Variants in CPNE8 observed in about 807,000 individuals in gnomAD.
CPNE8 encodes the protein copine-8.
In CPNE8, 45 loss-of-function variants were observed where a neutral mutation model predicts 81.5. That is an observed-to-expected ratio of 0.55 (90% CI 0.44 to 0.71). The LOEUF (loss-of-function observed/expected upper bound fraction) is 0.71. CPNE8 is among the 30% of genes least tolerant of loss of function. CPNE8 has a pLI of 0.00. For missense variants in CPNE8, 594 were observed against 672.1 expected (o/e 0.88, Z 1.28); for synonymous variants, 252 against 226.3 (o/e 1.11, Z -1.02).
chr12:38,861,789 C>T (rs1592142692), intron 3 of CPNE8, among the ~76,000 whole-genome samples: 1 of 152,038 alleles, frequency 6.6e-6, no homozygotes, highest in South Asian at 2.1e-4. Flanking sequence ...TTCCTATGAA[C>T]TTTTCTAAGG....
At chr12:38,807,812 G>A (rs912855687) in intron 6 of CPNE8, among the ~76,000 whole-genome samples, 16 of 151,952 alleles carry the variant, frequency 1.1e-4, no homozygotes, top group Admixed American at 9.8e-4. Flanking sequence ...AGAGTGAACA[G>A]GCAACCTACA....
chr12:38,715,803 C>G (rs1940372567), intron 13 of CPNE8, among the ~76,000 whole-genome samples: 1 of 151,982 alleles, frequency 6.6e-6, no homozygotes, highest in Non-Finnish European at 1.5e-5. Context: ...CGCAATCAGA[C>G]AAGAGAAAGA....
intron 3 of CPNE8, among the ~76,000 whole-genome samples, chr12:38,866,059 T>G (rs1592144926): frequency 6.6e-6 from 1 of 152,240 alleles, no homozygotes; most frequent in East Asian, 1.9e-4. Context: ...TTGCTGACAT[T>G]GGAAATCCAA....
At chr12:38,899,440 C>T (rs1321865123) in intron 1 of CPNE8, among the ~76,000 whole-genome samples, 2 of 152,154 alleles carry the variant, frequency 1.3e-5, no homozygotes, top group African/African-American at 4.8e-5. Context: ...AGACATCCAT[C>T]CTCTACAACT....
intron 10 of CPNE8, among the ~76,000 whole-genome samples, chr12:38,743,200 T>C (rs1036110683): frequency 6.6e-6 from 1 of 151,880 alleles, no homozygotes; most frequent in Non-Finnish European, 1.5e-5. Context: ...AAGCATTTAC[T>C]GAGTATTTCC....
chr12:38,795,371 A>G (rs1023672289), intron 6 of CPNE8, among the ~76,000 whole-genome samples: 1 of 152,212 alleles, frequency 6.6e-6, no homozygotes, highest in African/African-American at 2.4e-5. Flanking sequence ...TCCCACTTCC[A>G]TGTGTATATT....
chr12:38,670,041 G>C (rs370101661), intron 19 of CPNE8, among the ~76,000 whole-genome samples: 6 of 152,260 alleles, frequency 3.9e-5, no homozygotes, highest in African/African-American at 1.4e-4. Flanking sequence ...TCCCAGGTTT[G>C]AAAACCTGTT....
rs1213041864 is a variant in CPNE8, at chr12:38,902,380, GAAAA to G, written c.98+3053_98+3056del. On this transcript the variant is annotated intron_variant, in intron 1 of 19. Transcript: ENST00000331366. Reference sequence around the variant, plus strand: ...AGAAAGAAAGAAAGAAAGAAAGAAAGAAAAGAAAGAAAGAGAAAGAAAGAAAGAA... The same window carrying G: ...AGAAAGAAAGAAAGAAAGAAAGAAAGGAAAGAAAGAGAAAGAAAGAAAGAA... Among the ~76,000 whole-genome samples, 13 of 57,460 alleles carry G rather than the reference GAAAA, an allele frequency of 2.3e-4. No individual in the cohort carries two copies. In the Admixed American group the frequency reaches 2.3e-3, roughly 10 times the overall value. 37.7% of individuals were successfully genotyped at this position (57,460 alleles called of 152,430 possible). A position where few individuals can be genotyped will look rare whatever the true frequency, so the allele number is the denominator to read the frequency against.
chr12:38,877,769 C>T (rs1184977006), intron 1 of CPNE8, among the ~76,000 whole-genome samples: 1 of 152,088 alleles, frequency 6.6e-6, no homozygotes, highest in African/African-American at 2.4e-5. Flanking sequence ...CAATTTAATT[C>T]TAACCTGTAG....
intron 3 of CPNE8, among the ~76,000 whole-genome samples, chr12:38,865,119 T>C (rs1565653792): frequency 1.3e-5 from 2 of 152,096 alleles, no homozygotes; most frequent in East Asian, 1.9e-4. Context: ...AAGTAGGATA[T>C]CTTTACCCAC....
intron 10 of CPNE8, among the ~76,000 whole-genome samples, chr12:38,742,539 G>A (rs1321807104): frequency 7.1e-6 from 1 of 141,776 alleles, no homozygotes; most frequent in Non-Finnish European, 1.6e-5. Flanking sequence ...TGGGGTGGAG[G>A]GAGTGGGGAG....
intron 1 of CPNE8, among the ~76,000 whole-genome samples, chr12:38,899,341 G>A (rs1402181928): frequency 6.6e-6 from 1 of 152,122 alleles, no homozygotes; most frequent in African/African-American, 2.4e-5. Flanking sequence ...CTCTCTGTAG[G>A]CCATGTGAAA....
intron 6 of CPNE8, among the ~76,000 whole-genome samples, chr12:38,797,399 G>A (rs150242932): frequency 5.9e-5 from 9 of 152,248 alleles, no homozygotes; most frequent in African/African-American, 1.2e-4. Context: ...ACGAAAATCC[G>A]CTCTTCTGCA....
intron 1 of CPNE8, among the ~76,000 whole-genome samples, chr12:38,879,608 A>G (rs1175974162): frequency 1.3e-5 from 2 of 152,148 alleles, no homozygotes; most frequent in African/African-American, 2.4e-5. Flanking sequence ...AGTTGCAGGC[A>G]TGCTACTCAC....
At chr12:38,733,125 T>A (rs928171683) in intron 10 of CPNE8, among the ~76,000 whole-genome samples, 2 of 151,942 alleles carry the variant, frequency 1.3e-5, no homozygotes, top group Non-Finnish European at 2.9e-5. Flanking sequence ...ACCCAAGCTA[T>A]AAGATGCATT....
intron 7 of CPNE8, among the ~76,000 whole-genome samples, chr12:38,773,754 T>G (rs564952191): frequency 6.6e-6 from 1 of 152,256 alleles, no homozygotes; most frequent in Admixed American, 6.5e-5. Flanking sequence ...AAAGTATAAA[T>G]TTAAAAAGCA....
intron 13 of CPNE8, among the ~76,000 whole-genome samples, chr12:38,712,167 C>A (rs1940275421): frequency 6.6e-6 from 1 of 150,594 alleles, no homozygotes; most frequent in South Asian, 2.1e-4. Flanking sequence ...GATGTGCTTC[C>A]TGAAGCAACA....
At chr12:38,707,764 A>G (rs1940147789) in intron 13 of CPNE8, among the ~76,000 whole-genome samples, 1 of 152,218 alleles carries the variant, frequency 6.6e-6, no homozygotes, top group South Asian at 2.1e-4. Context: ...CATTCAGCTC[A>G]GAAGGAAAAT....
chr12:38,707,882 T>A (rs148418078), intron 13 of CPNE8, among the ~76,000 whole-genome samples: 1,557 of 152,312 alleles, frequency 0.01, 11 homozygotes, highest in Admixed American at 0.018. Flanking sequence ...CAATGATTTA[T>A]GGAGCACCTT....
Sources: gnomAD v4.1 joint callset for allele counts (sites outside exome capture counted in the v4.1 genomes callset) on GRCh38, gnomAD v4.1.1 for gene constraint, MANE v1.5 for transcripts, NCBI Gene and HGNC (gene_info 2026-07-23, HGNC 2026-07-21) for gene names.